The following JMY variants were observed in gnomAD, a reference collection of about 807,000 sequenced individuals.
The protein encoded by JMY is junction mediating and regulatory protein, p53 cofactor, also known as junction-mediating and -regulatory protein.
A neutral mutation model predicts 103.3 loss-of-function variants in JMY; 46 were observed. That is an observed-to-expected ratio of 0.45 (90% confidence interval 0.35 to 0.57). The LOEUF is 0.57. Ranked by LOEUF, JMY falls within the 20% of genes least tolerant of loss-of-function variation. The probability of loss-of-function intolerance (pLI) is 0.00; values close to 1 mark genes in which losing one functional copy is unlikely to be tolerated. For missense variants in JMY, 1,238 were observed against 1,255.2 expected (o/e 0.99, Z 0.21); for synonymous variants, 526 against 489.3 (o/e 1.07, Z -0.99).
chr5:79,273,854 G>C (rs1745856622), intron 1 of JMY, among the ~76,000 whole-genome samples: 1 of 151,528 alleles, frequency 6.6e-6, no homozygotes. Flanking sequence ...TTTTTGAGAT[G>C]GAGTCTCGCT....
At chr5:79,315,132 A>G (rs1747176674) in intron 9 of JMY, among the ~76,000 whole-genome samples, 1 of 152,094 alleles carries the variant, frequency 6.6e-6, no homozygotes, top group African/African-American at 2.4e-5. Flanking sequence ...TTAGGGAAAA[A>G]GTTTTGATTT....
chr5:79,284,244 A>C lies in JMY; in HGVS notation c.1207-5877A>C, dbSNP rs1323796276. The stretch of plus-strand genomic sequence containing the variant: ...ACTGCCTTCACCATGAAGCTCCATG[A>C]GCTTTCCCAATTCAAACTTGGGCTT... On this transcript the variant is annotated intron_variant, in intron 2 of 10. Coordinates refer to ENST00000396137, the MANE Select transcript of JMY (RefSeq NM_152405.5). 4 of 1,529,806 alleles carry C rather than the reference A, an allele frequency of 2.6e-6. No individual in the cohort carries two copies. The Admixed American group carries it at 5.0e-5, about 19-fold the overall frequency. 94.8% of individuals were successfully genotyped at this position (1,529,806 alleles called of 1,614,324 possible).
At chr5:79,298,462 G>T (rs1357805928) in intron 4 of JMY, among the ~76,000 whole-genome samples, 1 of 152,174 alleles carries the variant, frequency 6.6e-6, no homozygotes, top group Non-Finnish European at 1.5e-5. Context: ...GCGAGTCCAC[G>T]AGTCTCAAGG....
chr5:79,276,699 C>T (rs552927148), intron 1 of JMY, among the ~76,000 whole-genome samples: 11 of 152,194 alleles, frequency 7.2e-5, no homozygotes, highest in South Asian at 4.1e-4. Flanking sequence ...CTCTGCCTCC[C>T]GGGTTCAATT....
chr5:79,288,333 C>T (rs188965145), intron 2 of JMY, among the ~76,000 whole-genome samples: 1 of 152,180 alleles, frequency 6.6e-6, no homozygotes, highest in African/African-American at 2.4e-5. Context: ...TCACCTCTCG[C>T]ATGCCTTTTC....
At chr5:79,297,240 G>C (rs1279168029) in intron 4 of JMY, among the ~76,000 whole-genome samples, 1 of 152,146 alleles carries the variant, frequency 6.6e-6, no homozygotes, top group African/African-American at 2.4e-5. Flanking sequence ...TAAAAGTTGA[G>C]CTAAGTTAAA....
rs1278847397 is a variant in JMY, at chr5:79,326,869, TGCCAACTC to T, written c.*5268_*5275del. 1 of 152,230 alleles carries T rather than the reference TGCCAACTC, an allele frequency of 6.6e-6. No individual in the cohort carries two copies. Among genetic ancestry groups the T allele is most frequent in the Non-Finnish European group, 1.5e-5 (1 of 68,028 alleles). The allele number at this position is 152,230 out of a possible 1,614,324, so 9.4% of individuals were successfully genotyped here. On this transcript the variant is annotated 3_prime_UTR_variant, in exon 11 of 11. Transcript: ENST00000396137. ...GACAGTGTGCACAGTGTATTGTAAATGCCAACTCTTGCAAATTTACAATACTTAAATAT... is the reference window on the plus strand; with the variant it reads ...GACAGTGTGCACAGTGTATTGTAAATTTGCAAATTTACAATACTTAAATAT...
chr5:79,268,632 C>T lies in JMY; in HGVS notation c.1033-9278C>T, dbSNP rs545322648. ...CCTCCCGAGTAGCTGGGACTACAGG[C>T]GCCCACCACCATGCCCGGCTAATTT... On this transcript the variant is annotated intron_variant, in intron 1 of 10. Coordinates refer to ENST00000396137, the MANE Select transcript of JMY (RefSeq NM_152405.5). 3.3e-5 allele frequency among the ~76,000 whole-genome samples: 5 copies of T among 152,112 alleles called. No homozygotes were observed. The South Asian group carries it at 6.2e-4, about 19-fold the overall frequency.
At chr5:79,253,823 G>A (rs900906718) in intron 1 of JMY, among the ~76,000 whole-genome samples, 15 of 151,846 alleles carry the variant, frequency 9.9e-5, no homozygotes, top group Non-Finnish European at 1.5e-4. Context: ...GGCCACAAGT[G>A]TATGCCACCA....
chr5:79,271,539 T>C (rs564468199), intron 1 of JMY, among the ~76,000 whole-genome samples: 1 of 152,202 alleles, frequency 6.6e-6, no homozygotes, highest in Non-Finnish European at 1.5e-5. Flanking sequence ...GGTATAGTTA[T>C]TGATTCAATC....
chr5:79,251,332 A>G (rs1216311560), intron 1 of JMY, among the ~76,000 whole-genome samples: 1 of 152,148 alleles, frequency 6.6e-6, no homozygotes, highest in African/African-American at 2.4e-5. Context: ...CCTAGGCTCA[A>G]GTGATCCTCC....
intron 2 of JMY, among the ~76,000 whole-genome samples, chr5:79,282,746 T>C (rs1026181089): frequency 6.6e-6 from 1 of 152,124 alleles, no homozygotes; most frequent in African/African-American, 2.4e-5. Flanking sequence ...CTTAATTGAA[T>C]CTTCACACCA....
intron 7 of JMY, among the ~76,000 whole-genome samples, chr5:79,308,921 C>T (rs1746965708): frequency 6.6e-6 from 1 of 151,964 alleles, no homozygotes. Context: ...ACCTAAGATA[C>T]CTAAGTCTTT....
intron 2 of JMY, among the ~76,000 whole-genome samples, chr5:79,282,353 T>C (rs1220771636): frequency 6.6e-6 from 1 of 152,246 alleles, no homozygotes. Context: ...TCTTTAAATC[T>C]AGATTTTAGT....
At chr5:79,274,459 G>T (rs550440298) in intron 1 of JMY, among the ~76,000 whole-genome samples, 5 of 151,938 alleles carry the variant, frequency 3.3e-5, no homozygotes, top group African/African-American at 1.2e-4. Flanking sequence ...CCAGGCTGTA[G>T]TGCAGTGGCA....
chr5:79,312,912 T>C (rs892647793), intron 8 of JMY, among the ~76,000 whole-genome samples: 16 of 152,178 alleles, frequency 1.1e-4, no homozygotes, highest in Non-Finnish European at 2.1e-4. Flanking sequence ...AGCAGCATAT[T>C]TGAGAAATGC....
chr5:79,293,281 T>C (rs943583459), intron 4 of JMY, among the ~76,000 whole-genome samples: 14 of 152,226 alleles, frequency 9.2e-5, no homozygotes, highest in African/African-American at 3.4e-4. Context: ...GAATTAACAC[T>C]GAAATATTAA....
chr5:79,325,095 C>T lies in JMY; in HGVS notation c.*3493C>T, dbSNP rs1380978249. 1 of 152,556 alleles carries T rather than the reference C, an allele frequency of 6.6e-6. No homozygotes were observed. The highest frequency in any genetic ancestry group is 2.4e-5 in the African/African-American group (1 of 41,414). 9.5% of individuals were successfully genotyped at this position (152,556 alleles called of 1,614,324 possible). ...GCATTCTCTCTGTTTGGAATGGGAT[C>T]AGTATACAATTAATACAATTTAATT... is the stretch of plus-strand genomic sequence containing the variant. On this transcript the variant is annotated 3_prime_UTR_variant, in exon 11 of 11. Coordinates refer to ENST00000396137, the MANE Select transcript of JMY (RefSeq NM_152405.5).
At chr5:79,286,198 AAGAC>A (rs1342592015) in intron 2 of JMY, among the ~76,000 whole-genome samples, 1 of 152,214 alleles carries the variant, frequency 6.6e-6, no homozygotes, top group Non-Finnish European at 1.5e-5. Context: ...AATCAGTTAA[AAGAC>A]AGCATTAAAA....
Sources: gnomAD v4.1 joint callset for allele counts (sites outside exome capture counted in the v4.1 genomes callset) on GRCh38, gnomAD v4.1.1 for gene constraint, MANE v1.5 for transcripts, NCBI Gene and HGNC (gene_info 2026-07-23, HGNC 2026-07-21) for gene names.